Variants in SLC7A2 observed in about 807,000 individuals in gnomAD.
SLC7A2 encodes solute carrier family 7 member 2.
A neutral mutation model predicts 58.9 loss-of-function variants in SLC7A2; 48 were observed. That is an observed-to-expected ratio of 0.82 (90% CI 0.65 to 1.04). The LOEUF (loss-of-function observed/expected upper bound fraction) is 1.04, where lower values mean the gene tolerates loss of function less well. Among genes scored for constraint, SLC7A2 ranks in the 50% least tolerant of loss-of-function variants. The pLI, the probability that SLC7A2 is intolerant of heterozygous loss-of-function variation, is 0.00. For missense variants in SLC7A2, 1,029 were observed against 818.8 expected (o/e 1.26, Z -3.13); for synonymous variants, 363 against 314.5 (o/e 1.15, Z -1.63).
chr8:17,516,555 C>T (rs550197525), intron 2 of SLC7A2, among the ~76,000 whole-genome samples: 3 of 152,234 alleles, frequency 2.0e-5, no homozygotes, highest in Admixed American at 1.3e-4. Context: ...ATGAGAAGAC[C>T]GAGATGCCAG....
chr8:17,529,293 C>G lies in SLC7A2; in HGVS notation c.-22-14025C>G, dbSNP rs544081565. On this transcript the variant is annotated intron_variant, in intron 2 of 12. Coordinates refer to ENST00000494857, the MANE Select transcript of SLC7A2 (RefSeq NM_001370338.1). ...CCATCTCTTCCCTTTTCTTAATGTT[C>G]TCTCTGCTGCCCTTAGTTGACTTGT... 3.3e-4 allele frequency among the ~76,000 whole-genome samples: 51 copies of G among 152,264 alleles called. 1 individual carries two copies. In the South Asian group the frequency reaches 0.011, roughly 32 times the overall value.
rs947504486 is a variant in SLC7A2, at chr8:17,510,732, C to G, written c.-23+8430C>G. 3.9e-5 allele frequency: 6 copies of G among 152,082 alleles called. No homozygotes were observed. In the East Asian group the frequency reaches 9.6e-4, roughly 24 times the overall value. 9.4% of individuals were successfully genotyped at this position (152,082 alleles called of 1,614,324 possible). The stretch of plus-strand genomic sequence containing the variant: ...AGCCAGAAATGAAATACCATTTGGC[C>G]CAGCAGTCCCATCATGGGGTATATA... On this transcript the variant is annotated intron_variant, in intron 2 of 12. Coordinates refer to ENST00000494857, the MANE Select transcript of SLC7A2 (RefSeq NM_001370338.1).
chr8:17,516,935 G>A (rs531595619), intron 2 of SLC7A2, among the ~76,000 whole-genome samples: 8 of 152,206 alleles, frequency 5.3e-5, no homozygotes, highest in Admixed American at 1.3e-4. Flanking sequence ...ATGGTACACT[G>A]AGGGTTCATG....
intron 2 of SLC7A2, among the ~76,000 whole-genome samples, chr8:17,536,270 GA>G (rs1563457727): frequency 6.6e-6 from 1 of 152,034 alleles, no homozygotes; most frequent in Non-Finnish European, 1.5e-5. Context: ...TGTCTAAAAA[GA>G]AAAGATATTC....
At chr8:17,541,127 C>T (rs768845618) in intron 2 of SLC7A2, among the ~76,000 whole-genome samples, 1 of 152,142 alleles carries the variant, frequency 6.6e-6, no homozygotes, top group Non-Finnish European at 1.5e-5. Flanking sequence ...GTTCCTACTC[C>T]TTGATCTTTG....
chr8:17,555,431 T>G lies in SLC7A2; in HGVS notation c.1195+732T>G, dbSNP rs144407558. On this transcript the variant is annotated intron_variant, in intron 8 of 12. Coordinates refer to ENST00000494857, the MANE Select transcript of SLC7A2 (RefSeq NM_001370338.1). Reference sequence around the variant, plus strand: ...AAATTATATTATTGATACATAAACTTCTGATTAAGGAATTCTTGCTTAATT... The same window carrying G: ...AAATTATATTATTGATACATAAACTGCTGATTAAGGAATTCTTGCTTAATT... Among the ~76,000 whole-genome samples the G allele has an allele frequency of 7.5e-3, 1,149 of 152,306 alleles. 8 individuals are homozygous for G. Among genetic ancestry groups the G allele is most frequent in the South Asian group, 0.023 (112 of 4,820 alleles).
chr8:17,514,491 T>C (rs1585193576), intron 2 of SLC7A2, among the ~76,000 whole-genome samples: 1 of 152,158 alleles, frequency 6.6e-6, no homozygotes, highest in Admixed American at 6.5e-5. Context: ...AAGAAAGAGA[T>C]GGGGAAATGC....
intron 2 of SLC7A2, among the ~76,000 whole-genome samples, chr8:17,526,559 G>A (rs993767802): frequency 1.3e-5 from 2 of 152,132 alleles, no homozygotes; most frequent in Admixed American, 1.3e-4. Context: ...GGAATTTTTA[G>A]ATGTGTGTGT....
chr8:17,540,905 A>G (rs2150733547), intron 2 of SLC7A2, among the ~76,000 whole-genome samples: 1 of 152,282 alleles, frequency 6.6e-6, no homozygotes, highest in Non-Finnish European at 1.5e-5. Flanking sequence ...TTAAATATGC[A>G]ATAGTCGTAG....
intron 4 of SLC7A2, 70 bp downstream of exon 4, chr8:17,544,676 T>C: frequency 7.2e-7 from 1 of 1,398,544 alleles, no homozygotes; most frequent in Admixed American, 1.9e-5. Flanking sequence ...AGGTTACTTC[T>C]GAATTTGGGG....
intron 1 of SLC7A2, among the ~76,000 whole-genome samples, chr8:17,501,227 TGGTCTCG>T (rs1443164727): frequency 6.6e-6 from 1 of 152,088 alleles, no homozygotes; most frequent in African/African-American, 2.4e-5. Context: ...TTGCCCAGGT[TGGTCTCG>T]AAATCCTGGC....
rs140904758 is a variant in SLC7A2, at chr8:17,538,418, G to C, written c.-22-4900G>C. ...TTCTGTGTTTTTCCAGAAAGATTCA[G>C]GCTTAAGTACTGAATGCCAAGTTTT... On this transcript the variant is annotated intron_variant, in intron 2 of 12. Transcript: ENST00000494857. 2.6e-3 allele frequency among the ~76,000 whole-genome samples: 389 copies of C among 152,282 alleles called. 2 individuals are homozygous for C. The highest frequency in any genetic ancestry group is 7.8e-3 in the African/African-American group (326 of 41,558).
At chr8:17,508,464 C>G (rs530326406) in intron 2 of SLC7A2, among the ~76,000 whole-genome samples, 2 of 152,326 alleles carry the variant, frequency 1.3e-5, no homozygotes, top group East Asian at 1.9e-4. Flanking sequence ...TGGCTCATGC[C>G]TGTAATCCCA....
Position 17,532,240 on chromosome 8 carries a change from A to AAACAAAAAAAAC in SLC7A2, c.-22-11076_-22-11075insCAAAAAAAACAA, listed in dbSNP as rs1563454445. 1.8e-3 allele frequency among the ~76,000 whole-genome samples: 201 copies of AAACAAAAAAAAC among 109,316 alleles called. 2 individuals are homozygous for AAACAAAAAAAAC. The highest frequency in any genetic ancestry group is 6.1e-3 in the African/African-American group (192 of 31,644). 71.7% of individuals were successfully genotyped at this position (109,316 alleles called of 152,430 possible). A position where few individuals can be genotyped will look rare whatever the true frequency, so the allele number is the denominator to read the frequency against. Reference sequence around the variant, plus strand: ...GCAAGACTCTATCTCAAAAAAAAAAAAAAAAAAAAAAAAAAAAAACCCCAG... The same window carrying AAACAAAAAAAAC: ...GCAAGACTCTATCTCAAAAAAAAAAAAACAAAAAAAACAAAAAAAAAAAAAAAAAAACCCCAG... On this transcript the variant is annotated intron_variant, in intron 2 of 12. Transcript: ENST00000494857.
chr8:17,511,658 T>TA (rs1021599633), intron 2 of SLC7A2, among the ~76,000 whole-genome samples: 14 of 152,342 alleles, frequency 9.2e-5, no homozygotes, highest in African/African-American at 3.4e-4. Context: ...GACTATACTT[T>TA]AAAAAAGCTA....
intron 2 of SLC7A2, among the ~76,000 whole-genome samples, chr8:17,508,330 A>G (rs939906670): frequency 1.3e-5 from 2 of 152,222 alleles, no homozygotes; most frequent in Non-Finnish European, 2.9e-5. Flanking sequence ...GTGAAGGACA[A>G]ACAACCTTAT....
At chr8:17,503,038 C>T (rs960240356) in intron 2 of SLC7A2, among the ~76,000 whole-genome samples, 18 of 151,830 alleles carry the variant, frequency 1.2e-4, no homozygotes, top group Non-Finnish European at 2.1e-4. Context: ...GAAAACATCT[C>T]TATTTCTATT....
intron 2 of SLC7A2, among the ~76,000 whole-genome samples, chr8:17,505,566 G>A (rs1585179979): frequency 6.6e-6 from 1 of 152,110 alleles, no homozygotes. Flanking sequence ...CTTTCCTCCA[G>A]ATTCTTAGAC....
At chr8:17,545,102 C>T (rs1476505304) in intron 4 of SLC7A2, among the ~76,000 whole-genome samples, 2 of 152,138 alleles carry the variant, frequency 1.3e-5, no homozygotes, top group Non-Finnish European at 2.9e-5. Context: ...TATAGGCAAA[C>T]ATACTTAGTA....
Sources: allele counts gnomAD v4.1 joint callset (sites outside exome capture counted in the v4.1 genomes callset), GRCh38; gene constraint gnomAD v4.1.1; transcripts MANE v1.5; gene names NCBI Gene and HGNC (gene_info 2026-07-23, HGNC 2026-07-21).